The following IMMP2L variants were observed in gnomAD, a reference collection of about 807,000 sequenced individuals.
IMMP2L encodes the protein inner mitochondrial membrane peptidase subunit 2.
IMMP2L carries 18 observed loss-of-function variants against 19.3 expected under a neutral mutation model. The ratio of observed to expected loss-of-function variants is 0.93; its 90% CI spans 0.64 to 1.38. The LOEUF is 1.38. IMMP2L is among the 40% of genes most tolerant of loss of function. The probability of loss-of-function intolerance (pLI) is 0.00; values close to 1 mark genes in which losing one functional copy is unlikely to be tolerated. For synonymous variants in IMMP2L, 76 were observed against 73.0 expected (o/e 1.04, Z -0.21); for missense variants, 233 against 218.2 (o/e 1.07, Z -0.43).
intron 3 of IMMP2L, among the ~76,000 whole-genome samples, chr7:111,221,569 G>A (rs548728249): frequency 2.0e-5 from 3 of 151,942 alleles, no homozygotes; most frequent in Middle Eastern, 3.4e-3. Flanking sequence ...AAAAACATAC[G>A]GTACACAGGG....
chr7:110,851,482 T>C (rs1426506173), intron 5 of IMMP2L, among the ~76,000 whole-genome samples: 1 of 152,164 alleles, frequency 6.6e-6, no homozygotes, highest in Admixed American at 6.6e-5. Flanking sequence ...ACGTTGTTTA[T>C]GTTGCCTTTG....
At chr7:111,098,351 C>T (rs1255375289) in intron 3 of IMMP2L, among the ~76,000 whole-genome samples, 1 of 151,782 alleles carries the variant, frequency 6.6e-6, no homozygotes, top group African/African-American at 2.4e-5. Context: ...TTTTCCAAAC[C>T]ATTTCCTCAA....
chr7:111,239,552 G>T (rs1012059787), intron 3 of IMMP2L, among the ~76,000 whole-genome samples: 4 of 151,872 alleles, frequency 2.6e-5, no homozygotes. Context: ...CTTAATTTAG[G>T]TCTAGTTGAT....
intron 5 of IMMP2L, among the ~76,000 whole-genome samples, chr7:110,682,422 G>A (rs748636030): frequency 5.9e-5 from 9 of 152,066 alleles, no homozygotes; most frequent in African/African-American, 2.2e-4. Context: ...GCACTGTCTC[G>A]TATTCCAAAT....
At chr7:111,443,158 A>T (rs1035837922) in intron 3 of IMMP2L, among the ~76,000 whole-genome samples, 1 of 151,862 alleles carries the variant, frequency 6.6e-6, no homozygotes, top group Admixed American at 6.6e-5. Flanking sequence ...AGGTTATCTC[A>T]TTCAATCCCC....
chr7:111,098,520 G>A (rs1364850753), intron 3 of IMMP2L, among the ~76,000 whole-genome samples: 1 of 151,748 alleles, frequency 6.6e-6, no homozygotes, highest in Admixed American at 6.6e-5. Flanking sequence ...AATGTAAGCA[G>A]AGCCCTTATA....
intron 3 of IMMP2L, among the ~76,000 whole-genome samples, chr7:110,989,531 C>CAAA (rs778163183): frequency 1.3e-4 from 8 of 60,944 alleles, no homozygotes; most frequent in Admixed American, 1.1e-3. Flanking sequence ...CTCTGTCTCC[C>CAAA]AAAAAAAAAA....
chr7:110,779,053 T>C (rs1799575462), intron 5 of IMMP2L, among the ~76,000 whole-genome samples: 1 of 151,946 alleles, frequency 6.6e-6, no homozygotes, highest in Non-Finnish European at 1.5e-5. Context: ...TAATTATAAG[T>C]AACGATTTTA....
At chr7:111,239,304 CT>C (rs1313491763) in intron 3 of IMMP2L, among the ~76,000 whole-genome samples, 1 of 151,836 alleles carries the variant, frequency 6.6e-6, no homozygotes, top group Non-Finnish European at 1.5e-5. Context: ...ATGATCAAGC[CT>C]CAAAAGCCAG....
intron 5 of IMMP2L, among the ~76,000 whole-genome samples, chr7:110,789,042 G>C (rs915730939): frequency 6.6e-5 from 10 of 151,838 alleles, no homozygotes; most frequent in African/African-American, 2.2e-4. Context: ...AAGACGACCT[G>C]GGGAAGCTGT....
At chr7:111,513,499 C>T (rs1216621557) in intron 2 of IMMP2L, among the ~76,000 whole-genome samples, 2 of 152,008 alleles carry the variant, frequency 1.3e-5, no homozygotes, top group Non-Finnish European at 2.9e-5. Flanking sequence ...CCCTTGTGCT[C>T]TATTGGTAGG....
chr7:111,011,425 G>C (rs1192462279), intron 3 of IMMP2L, among the ~76,000 whole-genome samples: 1 of 152,070 alleles, frequency 6.6e-6, no homozygotes, highest in East Asian at 1.9e-4. Flanking sequence ...AAAAATGCAT[G>C]CACAACAGAT....
intron 3 of IMMP2L, among the ~76,000 whole-genome samples, chr7:110,971,012 A>G (rs1332344336): frequency 1.3e-5 from 2 of 152,160 alleles, no homozygotes; most frequent in East Asian, 3.9e-4. Context: ...TGTATTTTCT[A>G]TATCAAACCA....
At chr7:110,988,955 T>C (rs1037263951) in intron 3 of IMMP2L, among the ~76,000 whole-genome samples, 1 of 152,048 alleles carries the variant, frequency 6.6e-6, no homozygotes, top group African/African-American at 2.4e-5. Flanking sequence ...TATGTTCTTT[T>C]GCCAGGTGCG....
intron 3 of IMMP2L, among the ~76,000 whole-genome samples, chr7:111,482,670 C>T (rs1842293002): frequency 6.6e-6 from 1 of 152,090 alleles, no homozygotes; most frequent in Non-Finnish European, 1.5e-5. Context: ...GAAATCCTAC[C>T]ATCTCTTTCT....
intron 5 of IMMP2L, among the ~76,000 whole-genome samples, chr7:110,859,274 A>G (rs1406540369): frequency 2.0e-5 from 3 of 151,912 alleles, no homozygotes; most frequent in Non-Finnish European, 4.4e-5. Flanking sequence ...TTTCAGAAGT[A>G]TTTTTTCAGT....
intron 5 of IMMP2L, among the ~76,000 whole-genome samples, chr7:110,839,731 A>G (rs1014799382): frequency 6.6e-6 from 1 of 152,180 alleles, no homozygotes; most frequent in Non-Finnish European, 1.5e-5. Context: ...TTATGAATAG[A>G]TAACAGCTAT....
chr7:110,920,241 C>T (rs1038240832), intron 4 of IMMP2L, among the ~76,000 whole-genome samples: 2 of 152,284 alleles, frequency 1.3e-5, no homozygotes, highest in Admixed American at 1.3e-4. Context: ...ATAAACTCCC[C>T]ATTTATATAT....
At chr7:111,268,421 A>G (rs771854454) in intron 3 of IMMP2L, among the ~76,000 whole-genome samples, 1 of 150,186 alleles carries the variant, frequency 6.7e-6, no homozygotes, top group Non-Finnish European at 1.5e-5. Flanking sequence ...TGGCAGCAAT[A>G]GGAAAACAAT....
Sources: gnomAD v4.1 joint callset for allele counts (sites outside exome capture counted in the v4.1 genomes callset) on GRCh38, gnomAD v4.1.1 for gene constraint, MANE v1.5 for transcripts, NCBI Gene and HGNC (gene_info 2026-07-23, HGNC 2026-07-21) for gene names.